Variants in ATP2B2 observed in about 807,000 individuals in gnomAD.
ATP2B2 encodes plasma membrane calcium-transporting ATPase 2.
ATP2B2 carries 15 observed loss-of-function variants against 120.0 expected under a neutral mutation model. The ratio of observed to expected loss-of-function variants is 0.12; its 90% CI spans 0.08 to 0.19. ATP2B2 has a LOEUF of 0.19. Among genes scored for constraint, ATP2B2 ranks in the 10% least tolerant of loss-of-function variants. The pLI is 1.00. For synonymous variants in ATP2B2, 694 were observed against 700.3 expected (o/e 0.99, Z 0.14); for missense variants, 1,045 against 1,719.8 (o/e 0.61, Z 6.94).
chr3:10,659,296 T>A (rs952249155), intron 1 of ATP2B2, among the ~76,000 whole-genome samples: 4 of 152,184 alleles, frequency 2.6e-5, no homozygotes, highest in African/African-American at 9.7e-5. Flanking sequence ...AGACACAGAC[T>A]GGCAAATTGG....
chr3:10,506,847 G>A (rs1035665836), upstream of ATP2B2, among the ~76,000 whole-genome samples: 4 of 152,224 alleles, frequency 2.6e-5, no homozygotes, highest in African/African-American at 9.6e-5. Context: ...CCGCCCGAGC[G>A]TCCCGAGCTG....
intron 1 of ATP2B2, among the ~76,000 whole-genome samples, chr3:10,655,871 G>A (rs1445754474): frequency 1.3e-5 from 2 of 152,130 alleles, no homozygotes; most frequent in Non-Finnish European, 2.9e-5. Context: ...CCAATTCAAC[G>A]TGCCTCCTCC....
Position 10,402,204 on chromosome 3 carries a change from C to T in ATP2B2, c.542G>A (p.Gly181Asp). 6.2e-7 allele frequency: 1 copy of T among 1,614,218 alleles called. No individual in the cohort carries two copies. Among genetic ancestry groups the T allele is most frequent in the South Asian group, 1.1e-5 (1 of 91,082 alleles). Residue 181 changes from glycine to aspartate, a missense_variant, in exon 4 of 23, where the codon GGC becomes GAC. By Grantham distance (94) the Gly-to-Asp change is moderately conservative. Coordinates refer to ENST00000360273, the MANE Select transcript of ATP2B2 (RefSeq NM_001001331.4). This position sits in a 1 kb window ranked among gnomAD's most constrained non-coding sequence, Gnocchi z 4.9. ...NDWSKEKQFR[G>D]LQSRIEQEQK... ...TTCCTGCTCGATGCGGCTCTGCAGG[C>T]CCCGGAACTGTTTCTCTTTGCTCCA... is the stretch of plus-strand genomic sequence containing the variant.
chr3:10,364,079 C>T (rs1184692443), intron 12 of ATP2B2, among the ~76,000 whole-genome samples: 5 of 152,144 alleles, frequency 3.3e-5, no homozygotes, highest in Non-Finnish European at 7.3e-5. Context: ...ATACATGCTA[C>T]CACATGAAGG....
At chr3:10,463,415 G>A (rs1041357338) in intron 1 of ATP2B2, among the ~76,000 whole-genome samples, 1 of 152,190 alleles carries the variant, frequency 6.6e-6, no homozygotes. Context: ...CCAGATGGTA[G>A]GAATAACTTA....
chr3:10,426,019 T>A (rs2063135225), intron 2 of ATP2B2, among the ~76,000 whole-genome samples: 1 of 152,060 alleles, frequency 6.6e-6, no homozygotes, highest in South Asian at 2.1e-4. Context: ...TCATTCCCCC[T>A]TCCCATCATT....
At chr3:10,656,070 C>T (rs1234192700) in intron 1 of ATP2B2, among the ~76,000 whole-genome samples, 1 of 152,066 alleles carries the variant, frequency 6.6e-6, no homozygotes, top group Non-Finnish European at 1.5e-5. Flanking sequence ...AAAGGTCTGT[C>T]CTGGAGAAAC....
At chr3:10,360,820 A>G (rs1433182925) in intron 12 of ATP2B2, among the ~76,000 whole-genome samples, 1 of 152,180 alleles carries the variant, frequency 6.6e-6, no homozygotes, top group Non-Finnish European at 1.5e-5. Flanking sequence ...ATGGCACCAC[A>G]TGTGAGTTAA....
chr3:10,499,417 C>T (rs1269922302), intron 1 of ATP2B2, among the ~76,000 whole-genome samples: 1 of 152,178 alleles, frequency 6.6e-6, no homozygotes, highest in Non-Finnish European at 1.5e-5. Flanking sequence ...CCACACACAA[C>T]CGAACGCACA....
chr3:10,375,628 G>A lies in ATP2B2; in HGVS notation c.1218C>T (p.Ala406=). 1.2e-6 allele frequency: 2 copies of A among 1,613,712 alleles called. No individual in the cohort carries two copies. The highest frequency in any genetic ancestry group is 8.5e-7 in the Non-Finnish European group (1 of 1,180,014). The part of the protein sequence containing the change: ...QIGKAGLVMS[A]ITVIILVLYF... ...AGAGCACCAGGATGATCACCGTGAT[G>A]GCTGACATCACCAAGCCTGCAATGT... Residue 406 remains alanine, a synonymous_variant, in exon 11 of 23, where the codon GCC becomes GCT. Coordinates refer to ENST00000360273, the MANE Select transcript of ATP2B2 (RefSeq NM_001001331.4). This position sits in a 1 kb window ranked among gnomAD's most constrained non-coding sequence, Gnocchi z 4.2.
chr3:10,367,630 G>C (rs1158659338), intron 12 of ATP2B2, among the ~76,000 whole-genome samples: 1 of 152,130 alleles, frequency 6.6e-6, no homozygotes, highest in Non-Finnish European at 1.5e-5. Context: ...CAGCCTCATG[G>C]CAGAGGTGTG....
At chr3:10,510,453 C>T (rs1054130829), upstream of ATP2B2, among the ~76,000 whole-genome samples, 1 of 152,226 alleles carries the variant, frequency 6.6e-6, no homozygotes, top group Non-Finnish European at 1.5e-5. Context: ...AGCCCAGAAA[C>T]GCTGTGGGAG....
rs372335367 is a variant in ATP2B2 at position 10,373,374 on chromosome 3, T to C, written c.1417-1323A>G. Among the ~76,000 whole-genome samples, 127 of 152,350 alleles carry C rather than the reference T, an allele frequency of 8.3e-4. 1 individual carries two copies. The South Asian group carries it at 0.023, about 27-fold the overall frequency. On this transcript the variant is annotated intron_variant, in intron 11 of 22. Transcript: ENST00000360273. The stretch of plus-strand genomic sequence containing the variant: ...CCTTTCTATTGGGCCTCAGCCCACC[T>C]GTACTCTTTGAAGAGGGTTTGTCTG...
At chr3:10,644,727 G>C in intron 1 of ATP2B2, among the ~76,000 whole-genome samples, 1 of 152,192 alleles carries the variant, frequency 6.6e-6, no homozygotes, top group East Asian at 1.9e-4. Flanking sequence ...ATTGGTGGTT[G>C]CCAGGAGCTG....
At chr3:10,661,731 C>T (rs2070785948) in intron 1 of ATP2B2, among the ~76,000 whole-genome samples, 2 of 152,144 alleles carry the variant, frequency 1.3e-5, no homozygotes, top group African/African-American at 4.8e-5. Context: ...ACTTTCTTCA[C>T]AGAATTGGAA....
intron 1 of ATP2B2, among the ~76,000 whole-genome samples, chr3:10,485,270 G>A (rs1161718672): frequency 2.6e-5 from 4 of 152,252 alleles, no homozygotes; most frequent in Non-Finnish European, 5.9e-5. Flanking sequence ...TGTCGGGAAG[G>A]TTTATTATCC....
At chr3:10,350,999 T>C (rs1321072961) in intron 14 of ATP2B2, among the ~76,000 whole-genome samples, 1 of 152,218 alleles carries the variant, frequency 6.6e-6, no homozygotes, top group Non-Finnish European at 1.5e-5. Context: ...TCCTGCAAAC[T>C]TGACAGATCT....
At chr3:10,365,022 C>T (rs906156588) in intron 12 of ATP2B2, among the ~76,000 whole-genome samples, 4 of 152,254 alleles carry the variant, frequency 2.6e-5, no homozygotes, top group Non-Finnish European at 5.9e-5. Flanking sequence ...CATAGGCTCA[C>T]AGCTGCCTAC....
intron 2 of ATP2B2, among the ~76,000 whole-genome samples, chr3:10,600,216 G>A (rs1025449086): frequency 6.6e-6 from 1 of 152,194 alleles, no homozygotes; most frequent in Non-Finnish European, 1.5e-5. Context: ...CTTGGCCTAG[G>A]GGTTTCATTT....
Sources: allele counts gnomAD v4.1 joint callset (sites outside exome capture counted in the v4.1 genomes callset), GRCh38; gene constraint gnomAD v4.1.1; non-coding constraint Gnocchi (gnomAD v3.1); transcripts MANE v1.5; gene names NCBI Gene and HGNC (gene_info 2026-07-23, HGNC 2026-07-21).